MAP9: variants seen among roughly 807,000 people sequenced by gnomAD.
MAP9 encodes microtubule associated protein 9.
Under a neutral mutation model 75.2 loss-of-function variants are expected in MAP9, and 80 were observed. That is an observed-to-expected ratio of 1.06 (90% confidence interval 0.89 to 1.28). The LOEUF is 1.28. Among genes scored for constraint, MAP9 ranks in the 50% most tolerant of loss-of-function variants. The pLI, the probability that MAP9 is intolerant of heterozygous loss-of-function variation, is 0.00. For missense variants in MAP9, 753 were observed against 719.9 expected, an observed-to-expected ratio of 1.05 and a Z score of -0.53; for synonymous variants, 235 against 237.3, an observed-to-expected ratio of 0.99 and a Z score of 0.09.
chr4:155,373,804 AC>A (rs1440917604), intron 3 of MAP9, among the ~76,000 whole-genome samples: 2 of 152,202 alleles, frequency 1.3e-5, no homozygotes, highest in Non-Finnish European at 2.9e-5. Flanking sequence ...GGACTGTAAA[AC>A]TTTTATTTGC....
At position 155,355,728 on chromosome 4, in the gene MAP9, T is replaced by G; in HGVS notation, c.1278A>C (p.Ala426=). ...TTTCCTTTTTTACCTGATAAACAGC[T>G]GCCCTTATGTTATCTGCTCTATCAG... is the stretch of plus-strand genomic sequence containing the variant. ...IEPDRADNIR[A]AVYQEWLEKK... The change falls in exon 9 of 14, where the codon GCA becomes GCC. Residue 426 remains alanine (A), a synonymous_variant. Coordinates refer to ENST00000311277, the MANE Select transcript of MAP9 (RefSeq NM_001039580.2). 6.2e-7 allele frequency: 1 copy of G among 1,604,224 alleles called. No individual in the cohort carries two copies. The highest frequency in any genetic ancestry group is 1.1e-5 in the South Asian group (1 of 88,962).
At chr4:155,353,741 A>G (rs1731632601) in intron 10 of MAP9, among the ~76,000 whole-genome samples, 1 of 152,152 alleles carries the variant, frequency 6.6e-6, no homozygotes, top group Non-Finnish European at 1.5e-5. Context: ...AAAGTAAGTT[A>G]GAGTAAGGCA....
At chr4:155,367,498 G>T (rs1470539718) in intron 5 of MAP9, 1 of 152,238 alleles carries the variant, frequency 6.6e-6, no homozygotes, top group East Asian at 1.9e-4. Flanking sequence ...CATTTCTGTT[G>T]TTTTAAGTTA....
chr4:155,352,422 A>C (rs780592011), intron 13 of MAP9, 174 bp downstream of exon 13: 67 of 594,082 alleles, frequency 1.1e-4, no homozygotes, highest in Non-Finnish European at 1.8e-4. Flanking sequence ...CATTAATAGA[A>C]ATGACTAAGT....
In MAP9 at chr4:155,359,712, C is replaced by T. The variant is rs566586765; in HGVS notation, c.1050+456G>A. On this transcript the variant is annotated intron_variant, in intron 7 of 13. Transcript: ENST00000311277. ...TAATACTAATGTTCCTGATGATAAC[C>T]ATCTATTTTAAAGAAGCACAGATGT... Among the ~76,000 whole-genome samples the T allele has an allele frequency of 2.0e-5, 3 of 152,034 alleles. No individual in the cohort carries two copies. In the East Asian group the frequency reaches 5.8e-4, roughly 29 times the overall value.
Position 155,373,465 on chromosome 4 carries a change from T to C in MAP9, c.161-9A>G. The C allele has an allele frequency of 2.8e-6, 4 of 1,444,372 alleles. No individual in the cohort carries two copies. Among genetic ancestry groups the C allele is most frequent in the Admixed American group, 2.8e-5 (1 of 36,248 alleles). 89.5% of individuals were successfully genotyped at this position (1,444,372 alleles called of 1,614,324 possible). A position where few individuals can be genotyped will look rare whatever the true frequency, so the allele number is the denominator to read the frequency against. ...AAAATCACCTAAAGAAACTGAAAAA[T>C]GGAAAAGAAAAATGTTTTCAACAGT... On this transcript the variant is annotated splice_polypyrimidine_tract_variant and intron_variant, in intron 3 of 13. Transcript: ENST00000311277.
rs777052909 is a variant in MAP9 at position 155,353,335 on chromosome 4, T to A, written c.1386A>T (p.Lys462Asn). ...CTAATGCTTCTTCTCTTTTAGCAGC[T>A]TTTTTCTACAGTGGAAAAAATAATA... ...ENLRIQNEQK[K>N]AAKREEALAS... Residue 462 changes from lysine (K) to asparagine (N), a missense_variant, in exon 11 of 14, where the codon AAA becomes AAT. Physicochemically the swap from Lys to Asn is moderately conservative, Grantham distance 94. Transcript: ENST00000311277. 6.4e-7 allele frequency: 1 copy of A among 1,559,982 alleles called. No homozygotes were observed. The highest frequency in any genetic ancestry group is 1.3e-5 in the South Asian group (1 of 79,926).
intron 10 of MAP9, among the ~76,000 whole-genome samples, chr4:155,354,579 T>C (rs902041984): frequency 6.8e-6 from 1 of 147,630 alleles, no homozygotes; most frequent in Admixed American, 6.8e-5. Context: ...TCCTGCCACC[T>C]CAGCCTCCTG....
intron 9 of MAP9, among the ~76,000 whole-genome samples, chr4:155,355,488 T>C (rs986815120): frequency 2.9e-4 from 44 of 152,174 alleles, no homozygotes; most frequent in African/African-American, 1.0e-3. Flanking sequence ...TTTCTATAAA[T>C]TGCAATGGCA....
Position 155,353,218 on chromosome 4 carries a change from A to C in MAP9, c.1503T>G (p.Thr501=). Residue 501 remains threonine (T), a synonymous_variant, in exon 11 of 14, where the codon ACT becomes ACG. Transcript: ENST00000311277. ...KRLEEKNKKK[T]EEENAARKGE... ...CTTTTCTTGCAGCATTTTCTTCTTCAGTTTTCTTCTTGTTTTTTTCTTCAA... is the reference window on the plus strand; with the variant it reads ...CTTTTCTTGCAGCATTTTCTTCTTCCGTTTTCTTCTTGTTTTTTTCTTCAA... The C allele has an allele frequency of 6.2e-7, 1 of 1,600,138 alleles. No homozygotes were observed. Among genetic ancestry groups the C allele is most frequent in the Non-Finnish European group, 8.5e-7 (1 of 1,174,766 alleles).
Position 155,353,420 on chromosome 4 carries a change from A to G in MAP9, c.1381-80T>C, listed in dbSNP as rs1174511237. 4.3e-6 allele frequency: 5 copies of G among 1,157,384 alleles called. No homozygotes were observed. The East Asian group carries it at 1.2e-4, about 28-fold the overall frequency. 71.7% of individuals were successfully genotyped at this position (1,157,384 alleles called of 1,614,324 possible). A position where few individuals can be genotyped will look rare whatever the true frequency, so the allele number is the denominator to read the frequency against. On this transcript the variant is annotated intron_variant, in intron 10 of 13. Transcript: ENST00000311277. ...CACAAATATGGCTAGATATAAATAT[A>G]CACATATACATTTATCTTTAGTCCT...
intron 4 of MAP9, 187 bp from the exon 5 acceptor site, chr4:155,368,999 T>TA: frequency 1.8e-6 from 1 of 570,364 alleles, no homozygotes. Flanking sequence ...TGATGGTTAA[T>TA]AATCAGGCCG....
chr4:155,359,781 T>C (rs1177562141), intron 7 of MAP9, among the ~76,000 whole-genome samples: 3 of 152,086 alleles, frequency 2.0e-5, no homozygotes, highest in Non-Finnish European at 4.4e-5. Context: ...TTTGTTAAAA[T>C]TGTTAACACG....
rs1731718191 is a variant in MAP9 at position 155,355,224 on chromosome 4, T to C, written c.1291-64A>G. On this transcript the variant is annotated intron_variant, in intron 9 of 13. Coordinates refer to ENST00000311277, the MANE Select transcript of MAP9 (RefSeq NM_001039580.2). ...TTCTTAAGTGAATTAGAATTCTTTA[T>C]ATTAACATTTTCTCTGAAATTCACA... is the stretch of plus-strand genomic sequence containing the variant. The C allele has an allele frequency of 3.9e-5, 20 of 514,424 alleles. No individual in the cohort carries two copies. The South Asian group carries it at 7.8e-4, about 20-fold the overall frequency. The allele number at this position is 514,424 out of a possible 1,614,324, so 31.9% of individuals were successfully genotyped here. A position where few individuals can be genotyped will look rare whatever the true frequency, so the allele number is the denominator to read the frequency against.
chr4:155,361,478 G>T (rs1327592314), intron 6 of MAP9, among the ~76,000 whole-genome samples: 3 of 151,984 alleles, frequency 2.0e-5, no homozygotes, highest in Non-Finnish European at 2.9e-5. Flanking sequence ...ACTAAGAAAA[G>T]AAATTATGTT....
At chr4:155,364,502 C>A (rs1732234988) in intron 5 of MAP9, among the ~76,000 whole-genome samples, 2 of 145,136 alleles carry the variant, frequency 1.4e-5, no homozygotes, top group African/African-American at 2.5e-5. Context: ...TATATATTAC[C>A]TATATATAGA....
chr4:155,353,236 T>G lies in MAP9; in HGVS notation c.1485A>C (p.Glu495Asp). ...CTTCTTCAGTTTTCTTCTTGTTTTTTTCTTCAAGCCTCTTTTTGGCAGCTA... is the reference window on the plus strand; with the variant it reads ...CTTCTTCAGTTTTCTTCTTGTTTTTGTCTTCAAGCCTCTTTTTGGCAGCTA... The part of the protein sequence containing the change: ...KKIAAKKRLE[E>D]KNKKKTEEEN... Residue 495 changes from glutamate to aspartate, a missense_variant, in exon 11 of 14, where the codon GAA (glutamate) becomes GAC (aspartate). By Grantham distance (45) the Glu-to-Asp change is conservative. Coordinates refer to ENST00000311277, the MANE Select transcript of MAP9 (RefSeq NM_001039580.2). 6.2e-7 allele frequency: 1 copy of G among 1,608,352 alleles called. No homozygotes were observed. Among genetic ancestry groups the G allele is most frequent in the Middle Eastern group, 1.7e-4 (1 of 6,010 alleles).
Position 155,343,189 on chromosome 4 carries a change from T to TTA in MAP9, c.*4592_*4593dup, listed in dbSNP as rs1427911571. ...AAATATGCACATTAGTATTTGTATT[T>TTA]TATATATATTATGTACATCATTATA... On this transcript the variant is annotated 3_prime_UTR_variant, in exon 14 of 14. Transcript: ENST00000311277. 1 of 79,322 alleles carries TTA rather than the reference T, an allele frequency of 1.3e-5. No homozygotes were observed. 4.9% of individuals were successfully genotyped at this position (79,322 alleles called of 1,614,324 possible). A position where few individuals can be genotyped will look rare whatever the true frequency, so the allele number is the denominator to read the frequency against.
chr4:155,360,223 A>G lies in MAP9; in HGVS notation c.995T>C (p.Leu332Pro), dbSNP rs145361780. ...IMDDDRTVDPLLSKSQSILIS... is the reference protein window; with the variant it reads ...IMDDDRTVDPPLSKSQSILIS... ...TAAGATACTCTGAGATTTAGATAGT[A>G]GTGGATCAACTGTTCTGTCATCATC... The change falls in exon 7 of 14, where the codon CTA becomes CCA. Residue 332 changes from leucine (L) to proline (P), a missense_variant. Transcript: ENST00000311277. The G allele has an allele frequency of 1.2e-4, 194 of 1,612,586 alleles. 1 individual carries two copies. The African/African-American group carries it at 2.3e-3, about 19-fold the overall frequency.
Sources: allele counts gnomAD v4.1 joint callset (sites outside exome capture counted in the v4.1 genomes callset), GRCh38; gene constraint gnomAD v4.1.1; transcripts MANE v1.5; gene names NCBI Gene and HGNC (gene_info 2026-07-23, HGNC 2026-07-21).